PRKG1: variants seen among roughly 807,000 people sequenced by gnomAD.
PRKG1 encodes cGMP-dependent protein kinase 1.
A neutral mutation model predicts 88.1 loss-of-function variants in PRKG1; 35 were observed. That is an observed-to-expected ratio of 0.40 (90% CI 0.30 to 0.53). The LOEUF is 0.53. Among genes scored for constraint, PRKG1 ranks in the 20% least tolerant of loss-of-function variants. The pLI, the probability that PRKG1 is intolerant of heterozygous loss-of-function variation, is 0.59. For synonymous variants in PRKG1, 303 were observed against 292.5 expected, an observed-to-expected ratio of 1.04 and a Z score of -0.37; for missense variants, 540 against 839.8, an observed-to-expected ratio of 0.64 and a Z score of 4.41.
chr10:51,209,096 T>A (rs1314681604), intron 2 of PRKG1, among the ~76,000 whole-genome samples: 1 of 152,198 alleles, frequency 6.6e-6, no homozygotes, highest in Admixed American at 6.5e-5. Flanking sequence ...CCACCCATGA[T>A]ATATTCACTT....
chr10:51,191,806 A>G (rs988597252), intron 2 of PRKG1, among the ~76,000 whole-genome samples: 9 of 151,838 alleles, frequency 5.9e-5, no homozygotes, highest in Non-Finnish European at 1.3e-4. Context: ...TATAAAGAAG[A>G]TTGCTTATTT....
chr10:51,968,993 A>G (rs975468323), intron 5 of PRKG1, among the ~76,000 whole-genome samples: 2 of 152,266 alleles, frequency 1.3e-5, no homozygotes, highest in African/African-American at 4.8e-5. Flanking sequence ...GTTGTGTGAA[A>G]TCACTTTAAT....
At chr10:51,809,874 A>G (rs1379539368) in intron 4 of PRKG1, among the ~76,000 whole-genome samples, 1 of 152,108 alleles carries the variant, frequency 6.6e-6, no homozygotes, top group African/African-American at 2.4e-5. Context: ...ACACTCTTCC[A>G]GACTCATCTC....
intron 10 of PRKG1, among the ~76,000 whole-genome samples, chr10:52,257,322 T>C (rs951634504): frequency 8.7e-5 from 12 of 138,404 alleles, no homozygotes; most frequent in African/African-American, 3.0e-4. Context: ...GAGTGCTATG[T>C]AAACCAATTG....
At chr10:51,263,124 T>A (rs940161076) in intron 2 of PRKG1, among the ~76,000 whole-genome samples, 2 of 152,228 alleles carry the variant, frequency 1.3e-5, no homozygotes, top group South Asian at 4.1e-4. Flanking sequence ...CTTTATAGGA[T>A]TGGGGCTTCC....
intron 3 of PRKG1, among the ~76,000 whole-genome samples, chr10:51,701,941 G>A (rs548018662): frequency 1.3e-5 from 2 of 152,248 alleles, no homozygotes; most frequent in South Asian, 2.1e-4. Flanking sequence ...TAAGCTCTCA[G>A]GTGATGCTGA....
chr10:52,041,968 C>T (rs762739246), intron 5 of PRKG1, among the ~76,000 whole-genome samples: 4 of 151,802 alleles, frequency 2.6e-5, no homozygotes, highest in Admixed American at 2.6e-4. Context: ...TTCACACACA[C>T]AAAAATTAGA....
intron 4 of PRKG1, among the ~76,000 whole-genome samples, chr10:51,906,173 T>C (rs748456102): frequency 6.6e-5 from 10 of 152,118 alleles, no homozygotes; most frequent in Non-Finnish European, 8.8e-5. Context: ...GGTGTGTGTA[T>C]GGAGGAAGAC....
chr10:51,251,531 C>A (rs1291562766), intron 2 of PRKG1, among the ~76,000 whole-genome samples: 1 of 151,662 alleles, frequency 6.6e-6, no homozygotes, highest in Non-Finnish European at 1.5e-5. Context: ...TCATTAAAGA[C>A]CCTCATATTA....
intron 4 of PRKG1, among the ~76,000 whole-genome samples, chr10:51,899,694 T>TATATATATATATATATAC (rs1165503542): frequency 2.1e-5 from 3 of 142,768 alleles, no homozygotes; most frequent in Non-Finnish European, 4.6e-5. Flanking sequence ...TATATATATA[T>TATATATATATATATATAC]ACAAATTTCT....
At chr10:51,203,783 T>G (rs945095056) in intron 2 of PRKG1, among the ~76,000 whole-genome samples, 4 of 152,212 alleles carry the variant, frequency 2.6e-5, no homozygotes, top group Non-Finnish European at 5.9e-5. Context: ...TTCTTTAAAC[T>G]TACAAAATGA....
chr10:51,853,922 A>C (rs550989712), intron 4 of PRKG1, among the ~76,000 whole-genome samples: 1 of 151,968 alleles, frequency 6.6e-6, no homozygotes. Context: ...CTTTTTTCCA[A>C]GTGTTTTTTT....
chr10:51,092,233 A>C (rs1307917750), intron 1 of PRKG1, among the ~76,000 whole-genome samples: 1 of 152,230 alleles, frequency 6.6e-6, no homozygotes, highest in Non-Finnish European at 1.5e-5. Context: ...ATACATGAGA[A>C]AAATGTAATA....
At chr10:51,850,335 C>A (rs1054863623) in intron 4 of PRKG1, among the ~76,000 whole-genome samples, 1 of 152,132 alleles carries the variant, frequency 6.6e-6, no homozygotes. Flanking sequence ...CACCATCACA[C>A]CCAGCTAATT....
intron 2 of PRKG1, among the ~76,000 whole-genome samples, chr10:51,368,295 T>C (rs1292695537): frequency 6.6e-6 from 1 of 152,078 alleles, no homozygotes; most frequent in Non-Finnish European, 1.5e-5. Flanking sequence ...ACACTTTTTT[T>C]CGTCTTCCTT....
In PRKG1 at chr10:51,602,730, ATATGTGTG is replaced by A. The variant is rs1410709339; in HGVS notation, c.592+134896_592+134903del. 1.7e-4 allele frequency among the ~76,000 whole-genome samples: 7 copies of A among 41,840 alleles called. No individual in the cohort carries two copies. The South Asian group carries it at 4.4e-3, about 26-fold the overall frequency. The allele number at this position is 41,840 out of a possible 152,430, so 27.4% of individuals were successfully genotyped here. Reference sequence around the variant, plus strand: ...GCGCCTGGCTGGCTTTGATTAATATATATGTGTGTGTGTGTGTGTGTGTGTGTGTGTGT... The same window carrying A: ...GCGCCTGGCTGGCTTTGATTAATATATGTGTGTGTGTGTGTGTGTGTGTGT... On this transcript the variant is annotated intron_variant, in intron 3 of 17. Transcript: ENST00000373980.
intron 2 of PRKG1, among the ~76,000 whole-genome samples, chr10:51,251,934 C>A (rs1376572678): frequency 6.6e-6 from 1 of 151,856 alleles, no homozygotes; most frequent in Non-Finnish European, 1.5e-5. Context: ...TAATTTACTG[C>A]TGCTAGTAAT....
In PRKG1 at chr10:51,495,808, C is replaced by T. The variant is rs190999963; in HGVS notation, c.592+27972C>T. On this transcript the variant is annotated intron_variant, in intron 3 of 17. Transcript: ENST00000373980. Reference sequence around the variant, plus strand: ...GACAGCATACTTCGGCCAACATGAACTATAAAAGGAAAGTAATAGTTTTGT... The same window carrying T: ...GACAGCATACTTCGGCCAACATGAATTATAAAAGGAAAGTAATAGTTTTGT... Among the ~76,000 whole-genome samples, 3 of 152,256 alleles carry T rather than the reference C, an allele frequency of 2.0e-5. No individual in the cohort carries two copies. The East Asian group carries it at 5.8e-4, about 29-fold the overall frequency.
chr10:52,290,129 A>C (rs1842207638), intron 16 of PRKG1, 95 bp from the exon 17 acceptor site: 1 of 931,256 alleles, frequency 1.1e-6, no homozygotes, highest in East Asian at 2.6e-5. Context: ...ATGTTTGCCT[A>C]ACTGCTTCCC....
Sources: allele counts gnomAD v4.1 joint callset (sites outside exome capture counted in the v4.1 genomes callset), GRCh38; gene constraint gnomAD v4.1.1; transcripts MANE v1.5; gene names NCBI Gene and HGNC (gene_info 2026-07-23, HGNC 2026-07-21).